TNIK: variants seen among roughly 807,000 people sequenced by gnomAD.
The protein encoded by TNIK is TRAF2 and NCK interacting kinase.
A neutral mutation model predicts 191.3 loss-of-function variants in TNIK; 49 were observed. That is an observed-to-expected ratio of 0.26 (90% CI 0.20 to 0.32). TNIK has a LOEUF of 0.32. TNIK is among the 10% of genes least tolerant of loss of function. TNIK has a pLI of 1.00. For synonymous variants in TNIK, 594 were observed against 600.9 expected (o/e 0.99, Z 0.17); for missense variants, 1,155 against 1,702.3 (o/e 0.68, Z 5.66).
chr3:171,348,728 C>T (rs887416365), intron 2 of TNIK, among the ~76,000 whole-genome samples: 5 of 152,130 alleles, frequency 3.3e-5, no homozygotes, highest in Admixed American at 1.3e-4. Context: ...CATACTACAG[C>T]ACCGGGTAGT....
At chr3:171,198,178 G>T (rs970520159) in intron 4 of TNIK, among the ~76,000 whole-genome samples, 4 of 151,928 alleles carry the variant, frequency 2.6e-5, no homozygotes, top group Non-Finnish European at 5.9e-5. Flanking sequence ...CAGGAGAATG[G>T]CTTGAACCCA....
At chr3:171,410,074 A>G (rs1722187961) in intron 1 of TNIK, among the ~76,000 whole-genome samples, 1 of 152,174 alleles carries the variant, frequency 6.6e-6, no homozygotes, top group African/African-American at 2.4e-5. Context: ...CAATTTATAC[A>G]GGGTTCTTTG....
Position 171,457,545 on chromosome 3 carries a change from G to A in TNIK, c.57+2462C>T, listed in dbSNP as rs142007069. Among the ~76,000 whole-genome samples, 9 of 152,304 alleles carry A rather than the reference G, an allele frequency of 5.9e-5. No individual in the cohort carries two copies. The East Asian group carries it at 1.7e-3, about 29-fold the overall frequency. On this transcript the variant is annotated intron_variant, in intron 1 of 32. Transcript: ENST00000436636. ...CTTTACCAAGGGCTTAGGAACAAAT[G>A]AGACATCTCATCTAGATGAGGCCAC...
intron 9 of TNIK, among the ~76,000 whole-genome samples, 200 bp downstream of exon 9, chr3:171,175,052 G>T (rs1304154064): frequency 1.3e-5 from 2 of 152,128 alleles, no homozygotes; most frequent in African/African-American, 4.8e-5. Flanking sequence ...AAAGGTGGGG[G>T]AATAAAGACC....
chr3:171,164,251 C>G (rs1293988020), intron 10 of TNIK, among the ~76,000 whole-genome samples: 1 of 152,188 alleles, frequency 6.6e-6, no homozygotes, highest in Non-Finnish European at 1.5e-5. Flanking sequence ...GAGTCACATT[C>G]CAGAGTTTGT....
At chr3:171,356,970 A>G in intron 2 of TNIK, among the ~76,000 whole-genome samples, 1 of 152,188 alleles carries the variant, frequency 6.6e-6, no homozygotes, top group East Asian at 1.9e-4. Context: ...CCAAAAACCC[A>G]TCTCTGATAT....
chr3:171,230,010 G>A (rs1380992804), intron 2 of TNIK, among the ~76,000 whole-genome samples: 1 of 152,166 alleles, frequency 6.6e-6, no homozygotes, highest in Non-Finnish European at 1.5e-5. Context: ...AACGTGGGGA[G>A]ACTGGGCTCA....
In TNIK at chr3:171,126,868, T is replaced by C. The variant is rs146571957; in HGVS notation, c.1774-717A>G. Among the ~76,000 whole-genome samples the C allele has an allele frequency of 1.0e-3, 159 of 152,372 alleles. 3 individuals carry two copies. The East Asian group carries it at 0.029, about 27-fold the overall frequency. Reference sequence around the variant, plus strand: ...CCAACTGGGCATGTGGTGATACTGTTCACGCAGGGAAGACAGGCAGTCTTT... The same window carrying C: ...CCAACTGGGCATGTGGTGATACTGTCCACGCAGGGAAGACAGGCAGTCTTT... On this transcript the variant is annotated intron_variant, in intron 16 of 32. Transcript: ENST00000436636.
At chr3:171,135,982 C>T (rs910012647) in intron 15 of TNIK, among the ~76,000 whole-genome samples, 2 of 152,164 alleles carry the variant, frequency 1.3e-5, no homozygotes, top group Non-Finnish European at 2.9e-5. Context: ...CAAATAGCAA[C>T]TGGAAAACAG....
rs376811958 is a variant in TNIK, at chr3:171,084,275, C to T, written c.3049G>A (p.Ala1017Thr). 1.9e-6 allele frequency: 3 copies of T among 1,613,676 alleles called. No homozygotes were observed. Among genetic ancestry groups the T allele is most frequent in the African/African-American group, 1.3e-5 (1 of 74,884 alleles). ...ACATTTACCACCGAAATCTTTCTTG[C>T]TTCATTGAGTTTGGCCTGTTCTTGC... ...LRQEQAKLNE[A>T]RKISVVNVNP... The change falls in exon 26 of 33, where the codon GCA becomes ACA. Residue 1017 changes from alanine to threonine, a missense_variant. Transcript: ENST00000436636.
chr3:171,205,495 T>C (rs941090711), intron 4 of TNIK, among the ~76,000 whole-genome samples: 2 of 152,198 alleles, frequency 1.3e-5, no homozygotes, highest in Non-Finnish European at 2.9e-5. Flanking sequence ...TTAATTGAAG[T>C]GGGGTAAGTT....
intron 1 of TNIK, among the ~76,000 whole-genome samples, chr3:171,407,630 A>G (rs560918582): frequency 1.3e-5 from 2 of 152,258 alleles, no homozygotes; most frequent in Non-Finnish European, 1.5e-5. Context: ...CTTTAGTTGG[A>G]CAGCAGAAAT....
intron 23 of TNIK, among the ~76,000 whole-genome samples, chr3:171,088,383 T>A (rs1300046441): frequency 6.6e-6 from 1 of 152,036 alleles, no homozygotes; most frequent in African/African-American, 2.4e-5. Flanking sequence ...TACAGGCATG[T>A]GCTACCACAC....
chr3:171,270,992 T>C (rs1749022494), intron 2 of TNIK, among the ~76,000 whole-genome samples: 1 of 152,222 alleles, frequency 6.6e-6, no homozygotes, highest in Non-Finnish European at 1.5e-5. Flanking sequence ...TGTTTACCTT[T>C]CTGGCTCTAC....
intron 18 of TNIK, among the ~76,000 whole-genome samples, chr3:171,111,729 T>C (rs966084423): frequency 6.6e-5 from 10 of 152,234 alleles, no homozygotes; most frequent in African/African-American, 1.9e-4. Context: ...AGTGCAGCAC[T>C]ATTCACAGTA....
chr3:171,096,069 T>C (rs1038821511), intron 22 of TNIK, among the ~76,000 whole-genome samples: 8 of 152,158 alleles, frequency 5.3e-5, no homozygotes, highest in African/African-American at 1.4e-4. Flanking sequence ...CAAAATGATA[T>C]AAAGCCAATA....
intron 22 of TNIK, 35 bp from the exon 23 acceptor site, chr3:171,094,003 A>G (rs964811983): frequency 7.5e-6 from 12 of 1,598,886 alleles, no homozygotes; most frequent in African/African-American, 2.7e-5. Context: ...ATGGCAATGT[A>G]TCTTTAGGAA....
chr3:171,209,187 CTT>C (rs1740488461), intron 4 of TNIK, among the ~76,000 whole-genome samples: 1 of 150,930 alleles, frequency 6.6e-6, no homozygotes, highest in South Asian at 2.1e-4. Context: ...AAAAAAAAAT[CTT>C]TGACAGCCTA....
intron 1 of TNIK, 94 bp downstream of exon 1, chr3:171,459,913 T>TGCCCCCGCCCCCCCCC: frequency 7.6e-7 from 1 of 1,311,250 alleles, no homozygotes. Context: ...CCCGCTGCTG[T>TGCCCCCGCCCCCCCCC]CCCCCTGCCC....
Sources: allele counts gnomAD v4.1 joint callset (sites outside exome capture counted in the v4.1 genomes callset), GRCh38; gene constraint gnomAD v4.1.1; transcripts MANE v1.5; gene names NCBI Gene and HGNC (gene_info 2026-07-23, HGNC 2026-07-21).